Variants in RAD21 observed in about 807,000 individuals in gnomAD.
RAD21 encodes the protein double-strand-break repair protein rad21 homolog.
In RAD21, 18 loss-of-function variants were observed where a neutral mutation model predicts 71.5. The ratio of observed to expected loss-of-function variants is 0.25; its 90% CI spans 0.17 to 0.37. The LOEUF is 0.37. Ranked by LOEUF, RAD21 falls within the 10% of genes least tolerant of loss-of-function variation. The probability of loss-of-function intolerance (pLI) is 1.00; values close to 1 mark genes in which losing one functional copy is unlikely to be tolerated. For synonymous variants in RAD21, 248 were observed against 254.0 expected, an observed-to-expected ratio of 0.98 and a Z score of 0.22; for missense variants, 493 against 769.1, an observed-to-expected ratio of 0.64 and a Z score of 4.25.
At chr8:116,851,912 C>A in intron 11 of RAD21, 36 bp downstream of exon 11, 1 of 1,578,394 alleles carries the variant, frequency 6.3e-7, no homozygotes, top group Admixed American at 1.7e-5. Context: ...GTATGAATAC[C>A]TTCAAATGAC....
chr8:116,870,798 A>ATAAG (rs142405374), intron 1 of RAD21, among the ~76,000 whole-genome samples: 1 of 152,254 alleles, frequency 6.6e-6, no homozygotes. Flanking sequence ...TGCTTAATGA[A>ATAAG]TAAGTAAGTA....
intron 1 of RAD21, among the ~76,000 whole-genome samples, chr8:116,872,604 A>C (rs1287459832): frequency 1.3e-5 from 2 of 152,158 alleles, no homozygotes; most frequent in African/African-American, 4.8e-5. Flanking sequence ...CCACCTATTC[A>C]AAGTAAAAAC....
Position 116,847,688 on chromosome 8 carries a change from C to A in RAD21, c.1708G>T (p.Ala570Ser). 6.2e-7 allele frequency: 1 copy of A among 1,611,156 alleles called. No individual in the cohort carries two copies. The highest frequency in any genetic ancestry group is 8.5e-7 in the Non-Finnish European group (1 of 1,178,910). ...TQQMLHGLQR[A>S]LAKTGAESIS... ...GATTCAGCTCCAGTTTTAGCAAGAGCACGCTGAAATAAAACCAAAAAAGGG... is the reference window on the plus strand; with the variant it reads ...GATTCAGCTCCAGTTTTAGCAAGAGAACGCTGAAATAAAACCAAAAAAGGG... The change falls in exon 14 of 14, where the codon GCT becomes TCT. Residue 570 changes from alanine to serine, a missense_variant. Transcript: ENST00000297338.
At chr8:116,864,052 CT>C (rs1385287604) in intron 2 of RAD21, among the ~76,000 whole-genome samples, 2 of 152,052 alleles carry the variant, frequency 1.3e-5, no homozygotes, top group African/African-American at 4.8e-5. Context: ...GTATCCATAG[CT>C]TTTTTTCACC....
chr8:116,871,483 C>T (rs1366465837), intron 1 of RAD21, among the ~76,000 whole-genome samples: 2 of 152,160 alleles, frequency 1.3e-5, no homozygotes, highest in Non-Finnish European at 2.9e-5. Flanking sequence ...CAAACTGAGG[C>T]TCATGCTTCT....
rs1812253674 is a variant in RAD21 at position 116,846,395 on chromosome 8, T to G, written c.*1105A>C. 4.4e-6 allele frequency: 1 copy of G among 229,140 alleles called. No individual in the cohort carries two copies. The highest frequency in any genetic ancestry group is 2.2e-5 in the African/African-American group (1 of 45,238). 14.2% of individuals were successfully genotyped at this position (229,140 alleles called of 1,614,324 possible). On this transcript the variant is annotated 3_prime_UTR_variant, in exon 14 of 14. Transcript: ENST00000297338. ...TCTGATAATCATAACAGTCACATGATTTCTGATGCTATCTGGTCTGTTAAT... is the reference window on the plus strand; with the variant it reads ...TCTGATAATCATAACAGTCACATGAGTTCTGATGCTATCTGGTCTGTTAAT...
At chr8:116,870,213 T>A (rs1013521952) in intron 1 of RAD21, among the ~76,000 whole-genome samples, 1 of 152,138 alleles carries the variant, frequency 6.6e-6, no homozygotes, top group Non-Finnish European at 1.5e-5. Flanking sequence ...AAACTCTTCC[T>A]CCCAAATTTG....
In RAD21 at chr8:116,862,327, T is replaced by C. The variant is rs916581612; in HGVS notation, c.275-387A>G. On this transcript the variant is annotated intron_variant, in intron 3 of 13. Coordinates refer to ENST00000297338, the MANE Select transcript of RAD21 (RefSeq NM_006265.3). ...ACAATTTTAATTTTCTTTATCTTTT[T>C]CCTATATTTTTCAAGTTGTCTATAA... Among the ~76,000 whole-genome samples, 7 of 152,086 alleles carry C rather than the reference T, an allele frequency of 4.6e-5. No individual in the cohort carries two copies. The East Asian group carries it at 1.3e-3, about 29-fold the overall frequency.
chr8:116,859,559 G>A (rs1314577201), intron 4 of RAD21, among the ~76,000 whole-genome samples: 2 of 152,034 alleles, frequency 1.3e-5, no homozygotes, highest in African/African-American at 4.8e-5. Flanking sequence ...TTTGATGCTA[G>A]TATTTTAATT....
chr8:116,854,684 G>C (rs938180080), intron 8 of RAD21, among the ~76,000 whole-genome samples: 1 of 152,082 alleles, frequency 6.6e-6, no homozygotes, highest in South Asian at 2.1e-4. Flanking sequence ...AAAATTTGCT[G>C]AATGAGTATG....
Position 116,856,748 on chromosome 8 carries a change from C to T in RAD21, c.712G>A (p.Asp238Asn), listed in dbSNP as rs1340713760. ...ILDDKLISNN[D>N]GGIFDDPPAL... The stretch of plus-strand genomic sequence containing the variant: ...GGGGGATCATCAAAGATACCGCCAT[C>T]ATTATTACTAATAAGTTTGTCATCT... Residue 238 changes from aspartate (D) to asparagine (N), a missense_variant, in exon 7 of 14, where the codon GAT becomes AAT. Around this residue, in one of 5 missense-constraint regions of RAD21, gnomAD observed 165 missense variants for 229.6 expected, o/e 0.72. Transcript: ENST00000297338. 3 of 1,540,918 alleles carry T rather than the reference C, an allele frequency of 1.9e-6. No homozygotes were observed. Among genetic ancestry groups the T allele is most frequent in the East Asian group, 2.4e-5 (1 of 42,190 alleles).
At chr8:116,862,061 C>A in intron 3 of RAD21, 121 bp from the exon 4 acceptor site, 1 of 665,892 alleles carries the variant, frequency 1.5e-6, no homozygotes. Flanking sequence ...ATAACATATG[C>A]AAAATACCTT....
intron 9 of RAD21, 85 bp downstream of exon 9, chr8:116,854,160 T>G: frequency 8.8e-7 from 1 of 1,140,548 alleles, no homozygotes; most frequent in Non-Finnish European, 1.2e-6. Context: ...AAATACTTGA[T>G]CAAAAATGAT....
chr8:116,855,895 T>C (rs188524361), intron 8 of RAD21, among the ~76,000 whole-genome samples: 1 of 152,316 alleles, frequency 6.6e-6, no homozygotes, highest in East Asian at 1.9e-4. Flanking sequence ...TCTATACTTT[T>C]GTATTTCACA....
At chr8:116,863,512 A>C (rs974049464) in intron 2 of RAD21, among the ~76,000 whole-genome samples, 1 of 152,120 alleles carries the variant, frequency 6.6e-6, no homozygotes, top group Non-Finnish European at 1.5e-5. Context: ...ATTAAGGAGC[A>C]CGTAACACTT....
chr8:116,873,666 A>T (rs534805311), intron 1 of RAD21, among the ~76,000 whole-genome samples: 1 of 152,216 alleles, frequency 6.6e-6, no homozygotes, highest in Non-Finnish European at 1.5e-5. Flanking sequence ...GACACTAACA[A>T]ATCAGAGTGA....
chr8:116,874,350 A>G, intron 1 of RAD21: 1 of 166,396 alleles, frequency 6.0e-6, no homozygotes, highest in Non-Finnish European at 1.3e-5. Context: ...AATGGATCAG[A>G]ATCATTTGTT....
intron 3 of RAD21, 141 bp from the exon 4 acceptor site, chr8:116,862,081 G>C: frequency 1.7e-6 from 1 of 575,160 alleles, no homozygotes; most frequent in Non-Finnish European, 3.0e-6. Flanking sequence ...TGAAGCACAA[G>C]TACTTCTCTT....
rs757133962 is a variant in RAD21, at chr8:116,858,335, ATTTG to A, written c.481+13_481+16del. The A allele has an allele frequency of 1.0e-5, 16 of 1,559,334 alleles. No individual in the cohort carries two copies. Among genetic ancestry groups the A allele is most frequent in the South Asian group, 7.8e-5 (7 of 89,872 alleles). On this transcript the variant is annotated intron_variant, in intron 5 of 13. Transcript: ENST00000297338. Reference sequence around the variant, plus strand: ...ATAACATTATAATTAATGGCTAATAATTTGTTTCTCTTTTACCAAAATCATTTTC... The same window carrying A: ...ATAACATTATAATTAATGGCTAATAATTTCTCTTTTACCAAAATCATTTTC...
Sources: gnomAD v4.1 joint callset for allele counts (sites outside exome capture counted in the v4.1 genomes callset) on GRCh38, gnomAD v4.1.1 for gene constraint, gnomAD v4.1.1 regional missense constraint, MANE v1.5 for transcripts, NCBI Gene and HGNC (gene_info 2026-07-23, HGNC 2026-07-21) for gene names.